MCOLN2: variants seen among roughly 807,000 people sequenced by gnomAD.
MCOLN2 encodes mucolipin-2.
In MCOLN2, 57 loss-of-function variants were observed where a neutral mutation model predicts 67.5. That is an observed-to-expected ratio of 0.84 (90% CI 0.68 to 1.05). MCOLN2 has a LOEUF of 1.05. MCOLN2 is among the 50% of genes least tolerant of loss of function. The pLI is 0.00. For missense variants in MCOLN2, 620 were observed against 678.8 expected (o/e 0.91, Z 0.96); for synonymous variants, 246 against 233.3 (o/e 1.05, Z -0.50).
At chr1:84,927,321 A>T (rs773913393) in intron 13 of MCOLN2, among the ~76,000 whole-genome samples, 8 of 152,162 alleles carry the variant, frequency 5.3e-5, no homozygotes, top group Non-Finnish European at 7.3e-5. Flanking sequence ...GGCCTTATAA[A>T]TTACTAGAAC....
At chr1:84,959,253 T>G (rs978276248) in intron 2 of MCOLN2, among the ~76,000 whole-genome samples, 8 of 152,210 alleles carry the variant, frequency 5.3e-5, no homozygotes, top group Non-Finnish European at 1.0e-4. Flanking sequence ...AATTTACACC[T>G]GAGAGTTTCC....
At chr1:84,984,075 C>A (rs1200088883) in intron 1 of MCOLN2, among the ~76,000 whole-genome samples, 2 of 152,190 alleles carry the variant, frequency 1.3e-5, no homozygotes, top group Non-Finnish European at 2.9e-5. Context: ...GCTCTTATAT[C>A]TGCTCCCCAA....
intron 1 of MCOLN2, among the ~76,000 whole-genome samples, chr1:84,977,363 T>TAAC (rs3053883): frequency 0.49 from 74,285 of 151,002 alleles, 18,402 homozygotes; most frequent in East Asian, 0.64. Flanking sequence ...AGAAAATAAA[T>TAAC]AAAGTGGCAA....
At chr1:84,937,944 T>G (rs1453496020) in intron 10 of MCOLN2, 37 bp downstream of exon 10, 1 of 1,612,992 alleles carries the variant, frequency 6.2e-7, no homozygotes, top group Non-Finnish European at 8.5e-7. Flanking sequence ...TAAATGAGTC[T>G]CAACTGCAGT....
intron 11 of MCOLN2, among the ~76,000 whole-genome samples, chr1:84,935,277 C>T (rs192173655): frequency 1.2e-3 from 188 of 152,340 alleles, no homozygotes; most frequent in African/African-American, 4.4e-3. Flanking sequence ...CTGACTTGTA[C>T]ATTCAGTGAA....
chr1:84,946,970 G>T, intron 7 of MCOLN2, 63 bp downstream of exon 7: 1 of 804,622 alleles, frequency 1.2e-6, no homozygotes, highest in Non-Finnish European at 2.1e-6. Flanking sequence ...AATACCCCAA[G>T]CCACAAAATA....
At position 84,967,351 on chromosome 1, in the gene MCOLN2, A is replaced by G. The variant is rs182113721; in HGVS notation, c.78-1643T>C. ...TGCCTTAGGAAGTATCTTGATGGTA[A>G]GGGTAAAGAATAAATTCTAGTAAGT... is the stretch of plus-strand genomic sequence containing the variant. On this transcript the variant is annotated intron_variant, in intron 1 of 13. Transcript: ENST00000370608. 2.6e-5 allele frequency among the ~76,000 whole-genome samples: 4 copies of G among 152,328 alleles called. No individual in the cohort carries two copies. In the East Asian group the frequency reaches 7.7e-4, roughly 29 times the overall value.
Position 84,939,651 on chromosome 1 carries a change from C to A in MCOLN2, c.1012G>T (p.Asp338Tyr). Reference protein sequence around the residue: ...EKYKRPVCDTDQWEFINGWYV... With the variant: ...EKYKRPVCDTYQWEFINGWYV... ...CAGCCGTTGATGAACTCCCACTGGT[C>A]GGTGTCACACACAGGCCGCTTGTAC... Residue 338 changes from aspartate (D) to tyrosine (Y), a missense_variant, in exon 9 of 14, where the codon GAC becomes TAC. Physicochemically the swap from Asp to Tyr is radical, Grantham distance 160. Transcript: ENST00000370608. 6.2e-7 allele frequency: 1 copy of A among 1,614,012 alleles called. No individual in the cohort carries two copies. The highest frequency in any genetic ancestry group is 1.1e-5 in the South Asian group (1 of 91,064).
chr1:84,967,592 T>C (rs1225591086), intron 1 of MCOLN2, among the ~76,000 whole-genome samples: 1 of 152,184 alleles, frequency 6.6e-6, no homozygotes, highest in Non-Finnish European at 1.5e-5. Flanking sequence ...TATTTCTAAA[T>C]AGATTTTTAA....
intron 13 of MCOLN2, among the ~76,000 whole-genome samples, chr1:84,928,291 A>ATGCATCT: frequency 6.6e-6 from 1 of 152,264 alleles, no homozygotes; most frequent in South Asian, 2.1e-4. Flanking sequence ...CCGTCTCACC[A>ATGCATCT]TGCATCTTCT....
At chr1:84,995,936 T>C (rs1001477592) in intron 1 of MCOLN2, among the ~76,000 whole-genome samples, 2 of 152,170 alleles carry the variant, frequency 1.3e-5, no homozygotes, top group African/African-American at 2.4e-5. Flanking sequence ...GGCCTCTGTA[T>C]GGAAAATGTG....
intron 1 of MCOLN2, among the ~76,000 whole-genome samples, chr1:84,986,851 G>C (rs1182910330): frequency 6.6e-6 from 1 of 152,122 alleles, no homozygotes; most frequent in Non-Finnish European, 1.5e-5. Flanking sequence ...ACTCCTGCAA[G>C]AATAACCATA....
At chr1:84,941,027 C>T in intron 7 of MCOLN2, 36 bp from the exon 8 acceptor site, 1 of 1,330,426 alleles carries the variant, frequency 7.5e-7, no homozygotes, top group Non-Finnish European at 1.1e-6. Context: ...GTTAAACACA[C>T]CTTACCGGAG....
rs1319229386 is a variant in MCOLN2, at chr1:84,925,809, T to G, written c.*876A>C. ...TGGCTATGCCAACAGTTGCTTCATA[T>G]CATGCTGAAGAAAACCCACAGGAAA... On this transcript the variant is annotated 3_prime_UTR_variant, in exon 14 of 14. Coordinates refer to ENST00000370608, the MANE Select transcript of MCOLN2 (RefSeq NM_153259.4). The G allele has an allele frequency of 6.6e-6, 1 of 152,092 alleles. No individual in the cohort carries two copies. The highest frequency in any genetic ancestry group is 2.4e-5 in the African/African-American group (1 of 41,412). The allele number at this position is 152,092 out of a possible 1,614,324, so 9.4% of individuals were successfully genotyped here.
chr1:84,932,481 T>C (rs1388657027), intron 11 of MCOLN2, among the ~76,000 whole-genome samples: 1 of 152,060 alleles, frequency 6.6e-6, no homozygotes, highest in African/African-American at 2.4e-5. Flanking sequence ...CCAAAGTGCT[T>C]GGATTACAGG....
chr1:84,932,323 T>C (rs905649440), intron 11 of MCOLN2, among the ~76,000 whole-genome samples: 16 of 152,216 alleles, frequency 1.1e-4, no homozygotes, highest in Admixed American at 2.6e-4. Context: ...GCGATTCTCA[T>C]GTGTCGGCCT....
chr1:84,975,205 A>G (rs1348538084), intron 1 of MCOLN2, among the ~76,000 whole-genome samples: 1 of 152,170 alleles, frequency 6.6e-6, no homozygotes, highest in African/African-American at 2.4e-5. Flanking sequence ...GGAAGTAGCC[A>G]GGGAGTAGTT....
intron 4 of MCOLN2, among the ~76,000 whole-genome samples, chr1:84,953,088 A>G (rs1557643914): frequency 6.6e-6 from 1 of 152,162 alleles, no homozygotes; most frequent in Non-Finnish European, 1.5e-5. Flanking sequence ...AGAATATAGT[A>G]TTGTATCAAT....
At position 84,988,495 on chromosome 1, in the gene MCOLN2, C is replaced by G. The variant is rs116375133; in HGVS notation, c.77+8301G>C. Among the ~76,000 whole-genome samples, 760 of 152,236 alleles carry G rather than the reference C, an allele frequency of 5.0e-3. 7 individuals carry two copies. Among genetic ancestry groups the G allele is most frequent in the African/African-American group, 0.017 (725 of 41,526 alleles). On this transcript the variant is annotated intron_variant, in intron 1 of 13. Coordinates refer to ENST00000370608, the MANE Select transcript of MCOLN2 (RefSeq NM_153259.4). ...AATGTGTAGCAAAGTATACTTTGCT[C>G]TAAAGTATACTGCTCTAAAGTATAC...
Sources: allele counts gnomAD v4.1 joint callset (sites outside exome capture counted in the v4.1 genomes callset), GRCh38; gene constraint gnomAD v4.1.1; transcripts MANE v1.5; gene names NCBI Gene and HGNC (gene_info 2026-07-23, HGNC 2026-07-21).